Variants in COX6B1 observed in about 807,000 individuals in gnomAD.
COX6B1 encodes COX VIb-1.
Under a neutral mutation model 14.0 loss-of-function variants are expected in COX6B1, and 2 were observed. The ratio of observed to expected loss-of-function variants is 0.14; its 90% confidence interval spans 0.06 to 0.45. The LOEUF is 0.45. Among genes scored for constraint, COX6B1 ranks in the 20% least tolerant of loss-of-function variants. The probability of loss-of-function intolerance (pLI) is 0.98; values close to 1 mark genes in which losing one functional copy is unlikely to be tolerated. For synonymous variants in COX6B1, 30 were observed against 39.7 expected (o/e 0.76, Z 0.92); for missense variants, 81 against 114.2 (o/e 0.71, Z 1.33).
At position 35,648,715 on chromosome 19, in the gene COX6B1, G is replaced by A. The variant is rs1967788649; in HGVS notation, c.-12+312G>A. The A allele has an allele frequency of 7.2e-6, 3 of 415,516 alleles. No individual in the cohort carries two copies. The Admixed American group carries it at 7.9e-5, about 11-fold the overall frequency. 25.7% of individuals were successfully genotyped at this position (415,516 alleles called of 1,614,324 possible). A position where few individuals can be genotyped will look rare whatever the true frequency, so the allele number is the denominator to read the frequency against. On this transcript the variant is annotated intron_variant, in intron 1 of 3. Transcript: ENST00000649813. ...AGCGACCTAGCTGAACCTACACAGCGACCAGGATTTGGCCCAGGAGTTTGT... is the reference window on the plus strand; with the variant it reads ...AGCGACCTAGCTGAACCTACACAGCAACCAGGATTTGGCCCAGGAGTTTGT...
rs746506015 is a variant in COX6B1 at position 35,654,556 on chromosome 19, C to G, written c.107-15C>G. 1 of 1,609,950 alleles carries G rather than the reference C, an allele frequency of 6.2e-7. No homozygotes were observed. Among genetic ancestry groups the G allele is most frequent in the Non-Finnish European group, 8.5e-7 (1 of 1,176,332 alleles). On this transcript the variant is annotated splice_polypyrimidine_tract_variant and intron_variant, in intron 2 of 3. Transcript: ENST00000649813. The stretch of plus-strand genomic sequence containing the variant: ...AACTCTTGATCTGGGCTGACTTGAA[C>G]CCCTTTCTTCACAGACTTCCACCGC...
intron 3 of COX6B1, among the ~76,000 whole-genome samples, chr19:35,656,967 G>A (rs1967894793): frequency 6.6e-6 from 1 of 152,086 alleles, no homozygotes; most frequent in Non-Finnish European, 1.5e-5. Flanking sequence ...TGTTATCCAT[G>A]CTTTCATCCA....
chr19:35,648,785 G>C lies in COX6B1; in HGVS notation c.-12+382G>C, dbSNP rs114284305. On this transcript the variant is annotated intron_variant, in intron 1 of 3. Transcript: ENST00000649813. ...CTAATTCACAGGCGTGGCCTCTCGC[G>C]GCTTGCCTGGGCCGCAGCCTGGCTC... is the stretch of plus-strand genomic sequence containing the variant. 4,037 of 524,868 alleles carry C rather than the reference G, an allele frequency of 7.7e-3. 110 individuals carry two copies. The highest frequency in any genetic ancestry group is 0.069 in the African/African-American group (3,595 of 51,818). The allele number at this position is 524,868 out of a possible 1,614,324, so 32.5% of individuals were successfully genotyped here. A position where few individuals can be genotyped will look rare whatever the true frequency, so the allele number is the denominator to read the frequency against.
At chr19:35,650,600 C>T (rs1465843713) in intron 1 of COX6B1, among the ~76,000 whole-genome samples, 6 of 151,624 alleles carry the variant, frequency 4.0e-5, no homozygotes, top group African/African-American at 1.2e-4. Context: ...CTCAGCTGTT[C>T]GGGAGGCTGA....
intron 2 of COX6B1, among the ~76,000 whole-genome samples, chr19:35,653,238 G>T (rs1467040724): frequency 6.6e-6 from 1 of 151,194 alleles, no homozygotes; most frequent in Non-Finnish European, 1.5e-5. Flanking sequence ...CTCCCAAAGT[G>T]CTGAGATTAC....
In COX6B1 at chr19:35,655,621, TA is replaced by T. The variant is rs58512153; in HGVS notation, c.207+964del. Among the ~76,000 whole-genome samples, 410 of 145,822 alleles carry T rather than the reference TA, an allele frequency of 2.8e-3. 1 individual carries two copies. The highest frequency in any genetic ancestry group is 4.3e-3 in the Admixed American group (62 of 14,548). ...CTTTGCTATGCCCCTGCCCTTTGTT[TA>T]AAAAAAAAAAAAAGTTTTTAAAGAC... On this transcript the variant is annotated intron_variant, in intron 3 of 3. Transcript: ENST00000649813.
At chr19:35,649,571 T>A (rs1967801383) in intron 1 of COX6B1, among the ~76,000 whole-genome samples, 1 of 151,830 alleles carries the variant, frequency 6.6e-6, no homozygotes, top group Non-Finnish European at 1.5e-5. Context: ...CTCCGCCTCT[T>A]GGGTTCAAGT....
intron 1 of COX6B1, chr19:35,649,009 C>T: frequency 2.0e-6 from 1 of 500,704 alleles, no homozygotes; most frequent in Non-Finnish European, 4.1e-6. Context: ...CCCACCACCA[C>T]CTTGCGTCGC....
At chr19:35,648,499 GC>G (rs1226058173) in intron 1 of COX6B1, 96 bp downstream of exon 1, 1 of 223,194 alleles carries the variant, frequency 4.5e-6, no homozygotes, top group African/African-American at 2.4e-5. Flanking sequence ...CTTCCGGCTG[GC>G]GGCGTCCGGC....
chr19:35,651,482 AC>A (rs1967824229), intron 2 of COX6B1, 133 bp downstream of exon 2: 2 of 724,478 alleles, frequency 2.8e-6, no homozygotes, highest in Non-Finnish European at 5.0e-6. Flanking sequence ...GCCTCTCATC[AC>A]CTGCTGTTCA....
Position 35,658,704 on chromosome 19 carries a change from G to GATCACT in COX6B1, c.*57_*58insATCACT. ...ATCCTTCTCCCAGGATGGTGAAGGG[G>GATCACT]GACCTGGTACCCAGTGATCCCCACC... On this transcript the variant is annotated 3_prime_UTR_variant, in exon 4 of 4. Transcript: ENST00000649813. 2.0e-6 allele frequency: 3 copies of GATCACT among 1,507,150 alleles called. No homozygotes were observed. Among genetic ancestry groups the GATCACT allele is most frequent in the Non-Finnish European group, 2.8e-6 (3 of 1,082,872 alleles). The allele number at this position is 1,507,150 out of a possible 1,614,324, so 93.4% of individuals were successfully genotyped here.
intron 3 of COX6B1, among the ~76,000 whole-genome samples, chr19:35,656,049 G>A (rs889449350): frequency 2.6e-5 from 4 of 151,880 alleles, no homozygotes; most frequent in Admixed American, 6.6e-5. Flanking sequence ...GACTGGTCTC[G>A]AACTCCTGAG....
At position 35,654,626 on chromosome 19, in the gene COX6B1, C is replaced by T. The variant is rs760108865; in HGVS notation, c.162C>T (p.Cys54=). The change falls in exon 3 of 4, where the codon TGC becomes TGT. Residue 54 remains cysteine, a synonymous_variant. Coordinates refer to ENST00000649813, the MANE Select transcript of COX6B1 (RefSeq NM_001863.5). ...CTAAAGGAGGCGATATCTCTGTGTGCGAATGGTACCAGCGTGTGTACCAGT... is the reference window on the plus strand; with the variant it reads ...CTAAAGGAGGCGATATCTCTGTGTGTGAATGGTACCAGCGTGTGTACCAGT... ...MTAKGGDISV[C]EWYQRVYQSL... 18 of 1,614,170 alleles carry T rather than the reference C, an allele frequency of 1.1e-5. No homozygotes were observed. The highest frequency in any genetic ancestry group is 7.7e-5 in the South Asian group (7 of 91,086).
chr19:35,648,543 C>T (rs763570108), intron 1 of COX6B1, 140 bp downstream of exon 1: 1 of 313,844 alleles, frequency 3.2e-6, no homozygotes, highest in Non-Finnish European at 6.3e-6. Flanking sequence ...TTCTGTTCAT[C>T]GTAAGAGCTA....
intron 3 of COX6B1, 98 bp from the exon 4 acceptor site, chr19:35,658,496 G>A: frequency 9.7e-7 from 1 of 1,034,492 alleles, no homozygotes; most frequent in South Asian, 1.3e-5. Flanking sequence ...GGTACCTGTG[G>A]ATATTGGTTG....
At chr19:35,652,906 C>G (rs1038583699) in intron 2 of COX6B1, among the ~76,000 whole-genome samples, 5 of 151,914 alleles carry the variant, frequency 3.3e-5, no homozygotes, top group African/African-American at 1.2e-4. Flanking sequence ...TCAAGTGATT[C>G]TCCTGCCTCA....
intron 2 of COX6B1, among the ~76,000 whole-genome samples, chr19:35,652,214 A>G (rs1599621362): frequency 6.7e-6 from 1 of 148,838 alleles, no homozygotes; most frequent in East Asian, 2.1e-4. Flanking sequence ...TATTTTTAGT[A>G]GAGACGGGGT....
rs569186179 is a variant in COX6B1 at position 35,658,216 on chromosome 19, A to G, written c.208-378A>G. The stretch of plus-strand genomic sequence containing the variant: ...TCCATCCATTCATGCCAGAACATAA[A>G]TCAGCCTCGTTTTTTTTCACAGCTG... On this transcript the variant is annotated intron_variant, in intron 3 of 3. Transcript: ENST00000649813. 2.0e-3 allele frequency among the ~76,000 whole-genome samples: 307 copies of G among 152,228 alleles called. 1 individual carries two copies. Among genetic ancestry groups the G allele is most frequent in the Non-Finnish European group, 3.6e-3 (245 of 68,018 alleles).
chr19:35,651,382 G>A lies in COX6B1; in HGVS notation c.106+33G>A, dbSNP rs371108067. 6.5e-6 allele frequency: 10 copies of A among 1,542,826 alleles called. No homozygotes were observed. The East Asian group carries it at 6.8e-5, about 10-fold the overall frequency. ...GGACCTTTCCCTGGCCACATACCTC[G>A]AGTCACTCACCGCTTGCCTCTTCCT... On this transcript the variant is annotated intron_variant, in intron 2 of 3. Coordinates refer to ENST00000649813, the MANE Select transcript of COX6B1 (RefSeq NM_001863.5).
Sources: allele counts gnomAD v4.1 joint callset (sites outside exome capture counted in the v4.1 genomes callset), GRCh38; gene constraint gnomAD v4.1.1; transcripts MANE v1.5; gene names NCBI Gene and HGNC (gene_info 2026-07-23, HGNC 2026-07-21).